The following PCNX2 variants were observed in gnomAD, a reference collection of about 807,000 sequenced individuals.
The protein encoded by PCNX2 is pecanex 2.
Under a neutral mutation model 223.8 loss-of-function variants are expected in PCNX2, and 168 were observed. The ratio of observed to expected loss-of-function variants is 0.75; its 90% confidence interval spans 0.66 to 0.85. The LOEUF is 0.85. Among genes scored for constraint, PCNX2 ranks in the 40% least tolerant of loss-of-function variants. The pLI is 0.00. For synonymous variants in PCNX2, 1,006 were observed against 1,052.6 expected, an observed-to-expected ratio of 0.96 and a Z score of 0.86; for missense variants, 2,507 against 2,675.5, an observed-to-expected ratio of 0.94 and a Z score of 1.39.
chr1:233,101,843 TA>T (rs1174909618), intron 21 of PCNX2, among the ~76,000 whole-genome samples: 3 of 152,158 alleles, frequency 2.0e-5, no homozygotes, highest in Non-Finnish European at 2.9e-5. Context: ...GAGCAAATTA[TA>T]AAAAACTTCA....
chr1:233,312,173 A>C, the PCNX2 span, among the ~76,000 whole-genome samples: 1 of 152,156 alleles, frequency 6.6e-6, no homozygotes, highest in Non-Finnish European at 1.5e-5. Flanking sequence ...GGGGGTGGGC[A>C]TAGGAAACAA....
intron 10 of PCNX2, among the ~76,000 whole-genome samples, chr1:233,223,485 T>C (rs1367115958): frequency 1.3e-5 from 2 of 152,196 alleles, no homozygotes; most frequent in African/African-American, 4.8e-5. Context: ...GGGATACATG[T>C]GCAGAACGTG....
intron 1 of PCNX2, among the ~76,000 whole-genome samples, chr1:233,272,975 T>C (rs1660722182): frequency 6.6e-6 from 1 of 151,824 alleles, no homozygotes; most frequent in African/African-American, 2.4e-5. Context: ...AATGATACAA[T>C]AGACTCTGGG....
intron 32 of PCNX2, among the ~76,000 whole-genome samples, chr1:232,994,667 C>T (rs1486409885): frequency 2.0e-5 from 3 of 151,932 alleles, no homozygotes; most frequent in African/African-American, 4.8e-5. Context: ...GTATCCCCAC[C>T]CAAAAAAAAT....
chr1:233,258,027 C>A lies in PCNX2; in HGVS notation c.1834+1G>T, dbSNP rs779224109. 3 of 1,609,394 alleles carry A rather than the reference C, an allele frequency of 1.9e-6. No homozygotes were observed. In the African/African-American group the frequency reaches 4.0e-5, roughly 22 times the overall value. ...AGAACGGAAATGACATGGAATCGCA[C>A]CTCGGAGAAGCCCACTTTCTTCATT... is the stretch of plus-strand genomic sequence containing the variant. On this transcript the variant is annotated splice_donor_variant, in intron 5 of 33. Coordinates refer to ENST00000258229, the MANE Select transcript of PCNX2 (RefSeq NM_014801.4). LOFTEE classifies it high-confidence loss of function.
At chr1:233,203,782 CCTCCT>C (rs1190327744) in intron 13 of PCNX2, among the ~76,000 whole-genome samples, 1 of 152,162 alleles carries the variant, frequency 6.6e-6, no homozygotes, top group East Asian at 1.9e-4. Flanking sequence ...TCCTCTGCCA[CCTCCT>C]CCTGCTCTGA....
intron 15 of PCNX2, among the ~76,000 whole-genome samples, chr1:233,190,691 AC>A (rs1312431693): frequency 6.6e-6 from 1 of 152,210 alleles, no homozygotes; most frequent in African/African-American, 2.4e-5. Flanking sequence ...CTGTTTCAAC[AC>A]CTAAGTAAAC....
intron 1 of PCNX2, chr1:233,292,112 T>A: frequency 1.2e-6 from 1 of 837,174 alleles, no homozygotes; most frequent in South Asian, 5.5e-5. Context: ...TTTGCCTCAA[T>A]AATTAATAAT....
chr1:233,172,548 G>A (rs1274185190), intron 17 of PCNX2: 2 of 985,238 alleles, frequency 2.0e-6, no homozygotes, highest in African/African-American at 1.7e-5. Context: ...TGAGAGTGTG[G>A]CACTTTGGTG....
chr1:233,101,090 G>A (rs928167375), intron 21 of PCNX2, among the ~76,000 whole-genome samples: 4 of 152,206 alleles, frequency 2.6e-5, no homozygotes, highest in Admixed American at 2.0e-4. Context: ...CAGACAAGAT[G>A]AGAAGAAATT....
intron 8 of PCNX2, among the ~76,000 whole-genome samples, chr1:233,249,686 G>C (rs1398577266): frequency 6.6e-6 from 1 of 152,250 alleles, no homozygotes; most frequent in Non-Finnish European, 1.5e-5. Context: ...GGCACATGCA[G>C]TCTGCTTTAA....
chr1:232,998,964 G>T (rs376028083), intron 31 of PCNX2, 141 bp downstream of exon 31: 3 of 896,750 alleles, frequency 3.3e-6, no homozygotes, highest in East Asian at 5.4e-5. Flanking sequence ...TGATCTGTTC[G>T]ATGCCACTTG....
chr1:233,256,738 A>G (rs1360604940), intron 5 of PCNX2, among the ~76,000 whole-genome samples: 1 of 152,198 alleles, frequency 6.6e-6, no homozygotes, highest in Non-Finnish European at 1.5e-5. Flanking sequence ...TATTAGATAG[A>G]TGATAAACAC....
chr1:233,276,118 C>G (rs1377288043), intron 1 of PCNX2, among the ~76,000 whole-genome samples: 1 of 152,146 alleles, frequency 6.6e-6, no homozygotes, highest in Non-Finnish European at 1.5e-5. Context: ...TCTATACATA[C>G]TATGGAATAT....
intron 32 of PCNX2, among the ~76,000 whole-genome samples, chr1:232,988,813 A>G (rs1479788275): frequency 6.6e-6 from 1 of 152,160 alleles, no homozygotes. Flanking sequence ...CAGCTGTGAC[A>G]TATGCTTTTT....
intron 17 of PCNX2, chr1:233,172,667 CA>C (rs1474848841): frequency 7.2e-5 from 35 of 487,402 alleles, no homozygotes; most frequent in Non-Finnish European, 9.1e-5. Context: ...CCAGGTTGGG[CA>C]AATGCTCTTG....
intron 27 of PCNX2, 58 bp downstream of exon 27, chr1:233,016,863 A>G (rs1670682874): frequency 6.4e-7 from 1 of 1,571,882 alleles, no homozygotes; most frequent in African/African-American, 1.3e-5. Context: ...GGACATGACA[A>G]TGTTCTTTAT....
At chr1:233,103,283 C>T (rs1674593953) in intron 21 of PCNX2, among the ~76,000 whole-genome samples, 2 of 152,004 alleles carry the variant, frequency 1.3e-5, no homozygotes, top group Non-Finnish European at 2.9e-5. Context: ...TATAAATAAT[C>T]CAGTTATATT....
chr1:233,100,138 C>T (rs549267428), intron 21 of PCNX2, among the ~76,000 whole-genome samples: 1 of 152,182 alleles, frequency 6.6e-6, no homozygotes, highest in East Asian at 1.9e-4. Flanking sequence ...GAGGGCCGGG[C>T]GCGGGGGCTC....
Sources: gnomAD v4.1 joint callset for allele counts (sites outside exome capture counted in the v4.1 genomes callset) on GRCh38, gnomAD v4.1.1 for gene constraint, MANE v1.5 for transcripts, NCBI Gene and HGNC (gene_info 2026-07-23, HGNC 2026-07-21) for gene names.